Variants in ROBO2 observed in about 807,000 individuals in gnomAD.
ROBO2 encodes roundabout guidance receptor 2, also known as roundabout homolog 2.
A neutral mutation model predicts 160.8 loss-of-function variants in ROBO2; 53 were observed. That is an observed-to-expected ratio of 0.33 (90% CI 0.26 to 0.41). ROBO2 has a LOEUF of 0.41. ROBO2 is among the 10% of genes least tolerant of loss of function. ROBO2 has a pLI of 1.00. For missense variants in ROBO2, 1,577 were observed against 1,722.4 expected, an observed-to-expected ratio of 0.92 and a Z score of 1.49; for synonymous variants, 664 against 611.7, an observed-to-expected ratio of 1.09 and a Z score of -1.26.
chr3:76,465,108 C>A (rs905334917), intron 2 of ROBO2, among the ~76,000 whole-genome samples: 4 of 152,072 alleles, frequency 2.6e-5, no homozygotes, highest in African/African-American at 9.7e-5. Flanking sequence ...GAAATATTTA[C>A]TACATGAATC....
At chr3:76,696,591 C>A (rs1203171316) in intron 2 of ROBO2, among the ~76,000 whole-genome samples, 1 of 152,094 alleles carries the variant, frequency 6.6e-6, no homozygotes, top group Non-Finnish European at 1.5e-5. Flanking sequence ...AAAAGCAAGC[C>A]ATTATATTCT....
At chr3:76,299,986 A>G (rs1244973263) in intron 2 of ROBO2, among the ~76,000 whole-genome samples, 9 of 152,168 alleles carry the variant, frequency 5.9e-5, no homozygotes, top group Non-Finnish European at 2.9e-5. Context: ...ACATTTTTAG[A>G]CATTGTCTGT....
chr3:77,448,058 T>C (rs546209682), intron 2 of ROBO2, among the ~76,000 whole-genome samples: 27 of 152,182 alleles, frequency 1.8e-4, no homozygotes, highest in African/African-American at 5.3e-4. Context: ...GTTTTTGCGA[T>C]GTGACATTGC....
At position 76,771,971 on chromosome 3, in the gene ROBO2, A is replaced by G. The variant is rs867854651; in HGVS notation, c.110-326043A>G. Among the ~76,000 whole-genome samples, 41 of 151,398 alleles carry G rather than the reference A, an allele frequency of 2.7e-4. 1 individual carries two copies. The highest frequency in any genetic ancestry group is 9.2e-4 in the African/African-American group (38 of 41,444). On this transcript the variant is annotated intron_variant, in intron 2 of 26. Transcript: ENST00000487694. ...CGGTATGGAAATATTGAAGGTACAA[A>G]TATTATCGTTGCTACCAACATAATA...
In ROBO2 at chr3:77,330,393, C is replaced by T. The variant is rs973118226; in HGVS notation, c.389-147021C>T. ...ATTAGTCTGGTGTGGTGGCACATGC[C>T]GGTAATCTTAGCTACTCAGGAGGCT... is the stretch of plus-strand genomic sequence containing the variant. On this transcript the variant is annotated intron_variant, in intron 2 of 25. Transcript: ENST00000461745. Among the ~76,000 whole-genome samples the T allele has an allele frequency of 7.2e-5, 11 of 152,134 alleles. No homozygotes were observed. In the East Asian group the frequency reaches 7.7e-4, roughly 11 times the overall value.
intron 16 of ROBO2, among the ~76,000 whole-genome samples, chr3:77,582,934 A>G (rs1453031345): frequency 6.6e-6 from 1 of 151,988 alleles, no homozygotes; most frequent in Non-Finnish European, 1.5e-5. Flanking sequence ...TGAGCTCAGG[A>G]GTTCGAGACC....
intron 2 of ROBO2, among the ~76,000 whole-genome samples, chr3:76,827,476 G>A (rs2066689674): frequency 6.6e-6 from 1 of 152,020 alleles, no homozygotes; most frequent in Non-Finnish European, 1.5e-5. Flanking sequence ...GTATCCAATA[G>A]CTTTATTAAA....
Position 76,363,397 on chromosome 3 carries a change from T to C in ROBO2, c.109+425795T>C, listed in dbSNP as rs566153734. Among the ~76,000 whole-genome samples the C allele has an allele frequency of 3.9e-5, 6 of 152,158 alleles. No homozygotes were observed. In the South Asian group the frequency reaches 1.2e-3, roughly 32 times the overall value. On this transcript the variant is annotated intron_variant, in intron 2 of 26. Transcript: ENST00000487694. The stretch of plus-strand genomic sequence containing the variant: ...CTACCAAAAGAAAACAATTCAAACA[T>C]TAAGATGTTTAACACACTTTAAACC...
intron 14 of ROBO2, among the ~76,000 whole-genome samples, chr3:77,575,813 T>A (rs2093748680): frequency 1.3e-5 from 2 of 152,156 alleles, no homozygotes; most frequent in Non-Finnish European, 2.9e-5. Context: ...GCAGGTAACC[T>A]TAACACAGAA....
At chr3:76,149,213 C>A (rs546128977) in intron 2 of ROBO2, among the ~76,000 whole-genome samples, 2 of 152,066 alleles carry the variant, frequency 1.3e-5, no homozygotes, top group African/African-American at 4.8e-5. Context: ...CCACTTTCAC[C>A]AAATCTCTCC....
chr3:76,811,973 C>T (rs957119894), intron 2 of ROBO2, among the ~76,000 whole-genome samples: 4 of 151,658 alleles, frequency 2.6e-5, no homozygotes, highest in African/African-American at 7.3e-5. Context: ...CAGGTTCAAG[C>T]GATTCTCCTG....
chr3:76,907,823 G>GTGTGTGTGT lies in ROBO2; in HGVS notation c.110-190191_110-190190insTGTGTGTGT, dbSNP rs2075705102. 1.3e-4 allele frequency among the ~76,000 whole-genome samples: 19 copies of GTGTGTGTGT among 145,526 alleles called. 1 individual carries two copies. Among genetic ancestry groups the GTGTGTGTGT allele is most frequent in the East Asian group, 8.2e-4 (4 of 4,880 alleles). Reference sequence around the variant, plus strand: ...GCCTTTCTGCTGTTTGTTTGTTTGGGGTGTGTGTGTGTGTGTGTGTGTGTG... The same window carrying GTGTGTGTGT: ...GCCTTTCTGCTGTTTGTTTGTTTGGGTGTGTGTGTGTGTGTGTGTGTGTGTGTGTGTGTG... On this transcript the variant is annotated intron_variant, in intron 2 of 26. Transcript: ENST00000487694.
At chr3:76,463,387 A>G (rs79685517) in intron 2 of ROBO2, among the ~76,000 whole-genome samples, 2 of 87,040 alleles carry the variant, frequency 2.3e-5, no homozygotes, top group East Asian at 3.6e-4. Context: ...AAAAAACAAA[A>G]TAAAAAAAAC....
intron 2 of ROBO2, among the ~76,000 whole-genome samples, chr3:76,119,854 C>T (rs1576936339): frequency 6.6e-6 from 1 of 151,372 alleles, no homozygotes; most frequent in East Asian, 2.0e-4. Context: ...TTCTCTCTCT[C>T]TCTCTCTCCC....
intron 2 of ROBO2, among the ~76,000 whole-genome samples, chr3:76,630,557 G>T (rs1462850199): frequency 6.6e-6 from 1 of 152,126 alleles, no homozygotes; most frequent in South Asian, 2.1e-4. Context: ...GGTAAAAATT[G>T]GTTTCAGTAT....
At chr3:77,563,087 A>C in intron 10 of ROBO2, 80 bp from the exon 12 acceptor site, 1 of 1,368,500 alleles carries the variant, frequency 7.3e-7, no homozygotes, top group Non-Finnish European at 1.0e-6. Context: ...CAGGTCCTTT[A>C]GTAGACTGCT....
intron 2 of ROBO2, among the ~76,000 whole-genome samples, chr3:76,476,206 C>CT (rs998846190): frequency 1.3e-5 from 2 of 152,110 alleles, no homozygotes; most frequent in East Asian, 1.9e-4. Flanking sequence ...CAGACCCTTC[C>CT]TTTTTTTATT....
rs939152392 is a variant in ROBO2, at chr3:76,208,108, C to T, written c.109+270506C>T. Among the ~76,000 whole-genome samples, 18 of 152,148 alleles carry T rather than the reference C, an allele frequency of 1.2e-4. 1 individual carries two copies. The highest frequency in any genetic ancestry group is 3.9e-4 in the African/African-American group (16 of 41,440). ...GTGGCTGTAAGTTTCCTGAGGCTTT[C>T]CCAGAAGCCGAGCAGATGCCAGATC... On this transcript the variant is annotated intron_variant, in intron 2 of 26. Coordinates refer to the ROBO2 transcript ENST00000487694.
intron 2 of ROBO2, among the ~76,000 whole-genome samples, chr3:76,995,284 CT>C (rs1404649173): frequency 1.4e-4 from 22 of 152,014 alleles, no homozygotes; most frequent in Admixed American, 3.9e-4. Context: ...TTAACTCATC[CT>C]TTTTTATGGC....
Sources: allele counts gnomAD v4.1 joint callset (sites outside exome capture counted in the v4.1 genomes callset), GRCh38; gene constraint gnomAD v4.1.1; transcripts MANE v1.5; gene names NCBI Gene and HGNC (gene_info 2026-07-23, HGNC 2026-07-21).